Variants in DCTN6 observed in about 807,000 individuals in gnomAD.
The protein encoded by DCTN6 is dynactin 6.
Under a neutral mutation model 25.8 loss-of-function variants are expected in DCTN6, and 15 were observed. The ratio of observed to expected loss-of-function variants is 0.58; its 90% CI spans 0.39 to 0.89. The LOEUF (loss-of-function observed/expected upper bound fraction) is 0.89, where lower values mean the gene tolerates loss of function less well. Among genes scored for constraint, DCTN6 ranks in the 40% least tolerant of loss-of-function variants. The probability of loss-of-function intolerance (pLI) is 0.00; values close to 1 mark genes in which losing one functional copy is unlikely to be tolerated. For synonymous variants in DCTN6, 64 were observed against 78.3 expected (o/e 0.82, Z 0.96); for missense variants, 198 against 237.6 (o/e 0.83, Z 1.09).
chr8:30,178,760 G>A (rs1803877346), intron 4 of DCTN6, among the ~76,000 whole-genome samples: 1 of 152,058 alleles, frequency 6.6e-6, no homozygotes, highest in South Asian at 2.1e-4. Flanking sequence ...CCAGACTCAA[G>A]CAATCCTTCC....
At chr8:30,174,573 C>T (rs1803806140) in intron 2 of DCTN6, among the ~76,000 whole-genome samples, 1 of 152,024 alleles carries the variant, frequency 6.6e-6, no homozygotes, top group Non-Finnish European at 1.5e-5. Context: ...TGACCTTAAG[C>T]GATCTCCCCG....
chr8:30,171,025 C>G (rs1462234749), intron 2 of DCTN6, among the ~76,000 whole-genome samples: 1 of 151,890 alleles, frequency 6.6e-6, no homozygotes, highest in African/African-American at 2.4e-5. Flanking sequence ...TGTTTGAGTT[C>G]TTTATATAAG....
In DCTN6 at chr8:30,177,148, G is replaced by A. The variant is rs1206815836; in HGVS notation, c.217G>A (p.Asp73Asn). The change falls in exon 4 of 7, where the codon GAC (aspartate) becomes AAC (asparagine). Residue 73 changes from aspartate (D) to asparagine (N), a missense_variant. Coordinates refer to ENST00000221114, the MANE Select transcript of DCTN6 (RefSeq NM_006571.4). ...CAGTTACCCAGATAATATCACTCCT[G>A]ACACTGAAGATCCAGAACCAAAACC... ...INAYPDNITPDTEDPEPKPMI... is the reference protein window; with the variant it reads ...INAYPDNITPNTEDPEPKPMI... 1.2e-6 allele frequency: 2 copies of A among 1,613,458 alleles called. No homozygotes were observed. The highest frequency in any genetic ancestry group is 2.7e-5 in the African/African-American group (2 of 74,890).
At chr8:30,164,557 C>T (rs1803640488) in intron 2 of DCTN6, among the ~76,000 whole-genome samples, 1 of 152,188 alleles carries the variant, frequency 6.6e-6, no homozygotes, top group African/African-American at 2.4e-5. Flanking sequence ...CTGGGCTACT[C>T]TGCTCCTTGC....
chr8:30,180,797 C>T (rs1409522585), intron 6 of DCTN6, 167 bp downstream of exon 6: 8 of 815,476 alleles, frequency 9.8e-6, no homozygotes, highest in South Asian at 2.0e-5. Context: ...TTTGGGAGGC[C>T]GAGGCAGGAG....
intron 1 of DCTN6, among the ~76,000 whole-genome samples, chr8:30,157,502 A>T (rs73242309): frequency 2.6e-5 from 4 of 152,226 alleles, no homozygotes; most frequent in Non-Finnish European, 5.9e-5. Flanking sequence ...GCTGGGTCCA[A>T]TGGTACTTGT....
chr8:30,173,860 A>T (rs1226230990), intron 2 of DCTN6, among the ~76,000 whole-genome samples: 1 of 151,306 alleles, frequency 6.6e-6, no homozygotes, highest in African/African-American at 2.4e-5. Flanking sequence ...CTTCATCTGC[A>T]CTTGTTTACC....
At chr8:30,169,091 G>A (rs1369447103) in intron 2 of DCTN6, among the ~76,000 whole-genome samples, 1 of 152,246 alleles carries the variant, frequency 6.6e-6, no homozygotes, top group African/African-American at 2.4e-5. Context: ...GAAATGTTTT[G>A]TGCTGGAAGC....
At chr8:30,181,507 A>G (rs55810013) in intron 6 of DCTN6, among the ~76,000 whole-genome samples, 24,254 of 152,146 alleles carry the variant, frequency 0.16, 2,636 homozygotes, top group East Asian at 0.49. Flanking sequence ...AAAAGATAGG[A>G]CATTTGGGCT....
rs575816410 is a variant in DCTN6, at chr8:30,160,714, T to G, written c.24-3397T>G. On this transcript the variant is annotated intron_variant, in intron 1 of 6. Transcript: ENST00000221114. ...TTAGGTATTGTAAATTATCTAGAAATGACAAAGTATGAGAAGATGTGTATA... is the reference window on the plus strand; with the variant it reads ...TTAGGTATTGTAAATTATCTAGAAAGGACAAAGTATGAGAAGATGTGTATA... Among the ~76,000 whole-genome samples, 4 of 152,332 alleles carry G rather than the reference T, an allele frequency of 2.6e-5. No homozygotes were observed. The South Asian group carries it at 8.3e-4, about 32-fold the overall frequency.
At chr8:30,173,797 C>T (rs1803795426) in intron 2 of DCTN6, among the ~76,000 whole-genome samples, 1 of 151,562 alleles carries the variant, frequency 6.6e-6, no homozygotes, top group African/African-American at 2.4e-5. Context: ...CCTAATCCCC[C>T]ACCCCCTCTA....
At chr8:30,162,022 C>T (rs1803604140) in intron 1 of DCTN6, among the ~76,000 whole-genome samples, 1 of 152,142 alleles carries the variant, frequency 6.6e-6, no homozygotes, top group Non-Finnish European at 1.5e-5. Flanking sequence ...GCTGGGATTA[C>T]AGGTGTGAGC....
Position 30,180,617 on chromosome 8 carries a change from C to T in DCTN6, c.461C>T (p.Thr154Ile), listed in dbSNP as rs758676833. ...GCAGACTGCCTTCGTCGGGTGCAGA[C>T]TGAGCGACCGCAGGTACTAGAACCT... is the stretch of plus-strand genomic sequence containing the variant. The part of the protein sequence containing the change: ...YGADCLRRVQ[T>I]ERPQPQTLQL... The change falls in exon 6 of 7, where the codon ACT becomes ATT. Residue 154 changes from threonine to isoleucine, a missense_variant. Physicochemically the swap from Thr to Ile is moderately conservative, Grantham distance 89. Transcript: ENST00000221114. 17 of 1,613,978 alleles carry T rather than the reference C, an allele frequency of 1.1e-5. No individual in the cohort carries two copies. The highest frequency in any genetic ancestry group is 1.4e-5 in the Non-Finnish European group (17 of 1,180,018).
chr8:30,163,705 T>C (rs930753998), intron 1 of DCTN6, among the ~76,000 whole-genome samples: 2 of 151,784 alleles, frequency 1.3e-5, no homozygotes, highest in African/African-American at 4.8e-5. Flanking sequence ...CCATCTTTTT[T>C]TTTTTTTTTT....
chr8:30,164,956 A>C (rs1803645910), intron 2 of DCTN6, among the ~76,000 whole-genome samples: 1 of 152,222 alleles, frequency 6.6e-6, no homozygotes, highest in South Asian at 2.1e-4. Context: ...TGGACACATC[A>C]AGCTGCAAGG....
chr8:30,183,324 A>T lies in DCTN6; in HGVS notation c.*151A>T, dbSNP rs3808483. The T allele has an allele frequency of 0.031, 15,836 of 503,382 alleles. 1,079 individuals are homozygous for T. The highest frequency in any genetic ancestry group is 0.2 in the East Asian group (5,942 of 30,228). The allele number at this position is 503,382 out of a possible 1,614,324, so 31.2% of individuals were successfully genotyped here. A position where few individuals can be genotyped will look rare whatever the true frequency, so the allele number is the denominator to read the frequency against. ...GTTGAGAGGAAACTAATGGAGTTTC[A>T]TTGTAACTGTCCTTTGTAATTTATA... is the stretch of plus-strand genomic sequence containing the variant. On this transcript the variant is annotated 3_prime_UTR_variant, in exon 7 of 7. Transcript: ENST00000221114.
At chr8:30,156,954 A>G (rs1254206488) in intron 1 of DCTN6, among the ~76,000 whole-genome samples, 1 of 152,196 alleles carries the variant, frequency 6.6e-6, no homozygotes, top group Non-Finnish European at 1.5e-5. Flanking sequence ...ACACACACAC[A>G]TTATATAGAT....
chr8:30,168,568 G>A (rs143273572), intron 2 of DCTN6, among the ~76,000 whole-genome samples: 1 of 152,134 alleles, frequency 6.6e-6, no homozygotes, highest in East Asian at 1.9e-4. Flanking sequence ...AGGATGTTTT[G>A]TGTAATTTTC....
intron 2 of DCTN6, among the ~76,000 whole-genome samples, chr8:30,168,187 A>T (rs1439405286): frequency 6.6e-6 from 1 of 152,248 alleles, no homozygotes; most frequent in African/African-American, 2.4e-5. Context: ...CAGAAGAGTT[A>T]TATAGTTACC....
Sources: gnomAD v4.1 joint callset for allele counts (sites outside exome capture counted in the v4.1 genomes callset) on GRCh38, gnomAD v4.1.1 for gene constraint, MANE v1.5 for transcripts, NCBI Gene and HGNC (gene_info 2026-07-23, HGNC 2026-07-21) for gene names.